Variants in DNAI4 observed in about 807,000 individuals in gnomAD.
DNAI4 encodes the protein WD repeat domain 78.
Under a neutral mutation model 105.8 loss-of-function variants are expected in DNAI4, and 85 were observed. The ratio of observed to expected loss-of-function variants is 0.80; its 90% confidence interval spans 0.67 to 0.96. The LOEUF is 0.96. Ranked by LOEUF, DNAI4 falls within the 40% of genes least tolerant of loss-of-function variation. The pLI, the probability that DNAI4 is intolerant of heterozygous loss-of-function variation, is 0.00. For synonymous variants in DNAI4, 352 were observed against 331.5 expected, an observed-to-expected ratio of 1.06 and a Z score of -0.67; for missense variants, 1,014 against 1,005.6, an observed-to-expected ratio of 1.01 and a Z score of -0.11.
intron 8 of DNAI4, among the ~76,000 whole-genome samples, chr1:66,842,048 C>T (rs559212953): frequency 3.0e-4 from 45 of 152,284 alleles, no homozygotes; most frequent in African/African-American, 1.0e-3. Flanking sequence ...CATATTTTGC[C>T]TTTTCCCAAA....
Position 66,826,837 on chromosome 1 carries a change from C to A in DNAI4, c.2322G>T (p.Trp774Cys), listed in dbSNP as rs1322334832. ...AAANENRVEI[W>C]DLHISTLDPL... is the part of the protein sequence containing the mutation. Reference sequence around the variant, plus strand: ...TAACTTACGTGCTGATATGAAGGTCCCAAATCTCCACCCTGTTCTCATTTG... The same window carrying A: ...TAACTTACGTGCTGATATGAAGGTCACAAATCTCCACCCTGTTCTCATTTG... Residue 774 changes from tryptophan to cysteine, a missense_variant, in exon 15 of 17, where the codon TGG (tryptophan) becomes TGT (cysteine). Trp to Cys is a radical substitution (Grantham distance 215). Coordinates refer to ENST00000371026, the MANE Select transcript of DNAI4 (RefSeq NM_024763.5). The A allele has an allele frequency of 6.2e-7, 1 of 1,613,866 alleles. No homozygotes were observed. The highest frequency in any genetic ancestry group is 1.7e-5 in the Admixed American group (1 of 59,982).
intron 1 of DNAI4, chr1:66,921,499 CA>C (rs766098030): frequency 6.6e-6 from 1 of 152,138 alleles, no homozygotes; most frequent in Non-Finnish European, 1.5e-5. Flanking sequence ...ATGGCTACTG[CA>C]AAAAGTGAAG....
chr1:66,881,154 G>T (rs752341965), intron 4 of DNAI4, among the ~76,000 whole-genome samples: 2 of 152,206 alleles, frequency 1.3e-5, no homozygotes, highest in Non-Finnish European at 2.9e-5. Context: ...TTGCTGCAGG[G>T]GCAGGGCCAT....
In DNAI4 at chr1:66,840,527, G is replaced by A; in HGVS notation, c.1436C>T (p.Ser479Phe). 6.2e-7 allele frequency: 1 copy of A among 1,614,172 alleles called. No homozygotes were observed. The highest frequency in any genetic ancestry group is 1.1e-5 in the South Asian group (1 of 91,080). The change falls in exon 9 of 17, where the codon TCC becomes TTC. Residue 479 changes from serine (S) to phenylalanine (F), a missense_variant. Ser to Phe is a radical substitution (Grantham distance 155, BLOSUM62 -2). Coordinates refer to ENST00000371026, the MANE Select transcript of DNAI4 (RefSeq NM_024763.5). Reference sequence around the variant, plus strand: ...ATTGAGGCCTTTGGTTAAGTCACAGGAAAAAGACCAAAGTCGTTCCAAGTT... The same window carrying A: ...ATTGAGGCCTTTGGTTAAGTCACAGAAAAAAGACCAAAGTCGTTCCAAGTT... Reference protein sequence around the residue: ...PANLERLWSFSCDLTKGLNVS... With the variant: ...PANLERLWSFFCDLTKGLNVS...
intron 4 of DNAI4, 146 bp downstream of exon 4, chr1:66,891,008 C>T (rs1262705888): frequency 1.5e-6 from 1 of 687,022 alleles, no homozygotes; most frequent in Non-Finnish European, 2.6e-6. Context: ...AATAGATATT[C>T]CCCTGGTAAT....
At chr1:66,871,960 T>C (rs1646856022) in intron 5 of DNAI4, among the ~76,000 whole-genome samples, 1 of 152,200 alleles carries the variant, frequency 6.6e-6, no homozygotes, top group South Asian at 2.1e-4. Context: ...TTTTGAGACC[T>C]TGCTTCATAG....
intron 4 of DNAI4, among the ~76,000 whole-genome samples, chr1:66,879,639 A>C (rs1024698906): frequency 3.3e-5 from 5 of 152,220 alleles, no homozygotes; most frequent in Non-Finnish European, 1.5e-5. Flanking sequence ...ACCATTGTGC[A>C]TCCCCACCAG....
chr1:66,827,065 T>C lies in DNAI4; in HGVS notation c.2113-19A>G. On this transcript the variant is annotated intron_variant, in intron 14 of 16. Transcript: ENST00000371026. ...CTGGACCCTAGAAATAAAAAAAAAA[T>C]ACATAGGTAAATAATATTTAACATC... The C allele has an allele frequency of 1.3e-6, 2 of 1,521,102 alleles. No homozygotes were observed. Among genetic ancestry groups the C allele is most frequent in the Non-Finnish European group, 1.8e-6 (2 of 1,111,010 alleles). 94.2% of individuals were successfully genotyped at this position (1,521,102 alleles called of 1,614,324 possible).
chr1:66,834,473 T>C (rs1645939159), intron 11 of DNAI4, among the ~76,000 whole-genome samples: 1 of 152,100 alleles, frequency 6.6e-6, no homozygotes, highest in Non-Finnish European at 1.5e-5. Flanking sequence ...TATTCATTAA[T>C]TCTTTCTGAC....
At chr1:66,845,224 A>G (rs1428368744) in intron 8 of DNAI4, among the ~76,000 whole-genome samples, 12 of 122,578 alleles carry the variant, frequency 9.8e-5, no homozygotes, top group African/African-American at 2.8e-4. Context: ...AATTAAAAAA[A>G]AAAAAAAAAA....
chr1:66,818,694 G>A (rs540171449), intron 16 of DNAI4, among the ~76,000 whole-genome samples: 3 of 152,218 alleles, frequency 2.0e-5, no homozygotes, highest in South Asian at 2.1e-4. Context: ...CGAGGTGGGC[G>A]GATCACCTGA....
At chr1:66,847,402 T>A (rs1019453104) in intron 8 of DNAI4, 82 bp downstream of exon 8, 51 of 1,373,872 alleles carry the variant, frequency 3.7e-5, no homozygotes, top group Admixed American at 2.5e-5. Context: ...CAAGCAATCC[T>A]CTTCCTCAGC....
chr1:66,884,494 T>C (rs1647151038), intron 4 of DNAI4, among the ~76,000 whole-genome samples: 1 of 152,320 alleles, frequency 6.6e-6, no homozygotes, highest in East Asian at 1.9e-4. Flanking sequence ...ACAGTTTTTG[T>C]CCTTCATTCT....
rs1478177006 is a variant in DNAI4, at chr1:66,812,924, G to C, written c.*1206C>G. The C allele has an allele frequency of 6.6e-6, 1 of 152,206 alleles. No individual in the cohort carries two copies. Among genetic ancestry groups the C allele is most frequent in the East Asian group, 1.9e-4 (1 of 5,330 alleles). The allele number at this position is 152,206 out of a possible 1,614,324, so 9.4% of individuals were successfully genotyped here. ...TCAAGTTTTTTATTTTCTTACACAA[G>C]GTGTTATAGAAAATCCAATCTTTCA... On this transcript the variant is annotated 3_prime_UTR_variant, in exon 17 of 17. Transcript: ENST00000371026.
At chr1:66,894,804 A>G (rs1648172589) in intron 2 of DNAI4, among the ~76,000 whole-genome samples, 1 of 152,200 alleles carries the variant, frequency 6.6e-6, no homozygotes, top group African/African-American at 2.4e-5. Flanking sequence ...TGCTAATATT[A>G]TATGTTTTAT....
chr1:66,921,066 TTGTAAC>T (rs1052102319), intron 1 of DNAI4, among the ~76,000 whole-genome samples: 3 of 152,218 alleles, frequency 2.0e-5, no homozygotes, highest in Admixed American at 2.0e-4. Context: ...GACAGATATT[TTGTAAC>T]TGTAAGACTA....
intron 4 of DNAI4, among the ~76,000 whole-genome samples, chr1:66,879,981 G>C (rs1361878859): frequency 6.7e-6 from 1 of 149,918 alleles, no homozygotes; most frequent in Non-Finnish European, 1.5e-5. Flanking sequence ...AATTAAGGGG[G>C]TGGGTCTTTC....
chr1:66,892,999 G>GAAAGAGAA (rs747069069), intron 3 of DNAI4, among the ~76,000 whole-genome samples: 69 of 70,272 alleles, frequency 9.8e-4, no homozygotes, highest in African/African-American at 4.2e-3. Context: ...GAAAGAAAGA[G>GAAAGAGAA]AGAAAGAGAG....
intron 7 of DNAI4, among the ~76,000 whole-genome samples, chr1:66,855,855 CAG>C (rs1646489099): frequency 6.6e-6 from 1 of 152,090 alleles, no homozygotes; most frequent in Non-Finnish European, 1.5e-5. Flanking sequence ...TGTTTTGAGA[CAG>C]AGTTTCACTC....
Sources: gnomAD v4.1 joint callset for allele counts (sites outside exome capture counted in the v4.1 genomes callset) on GRCh38, gnomAD v4.1.1 for gene constraint, MANE v1.5 for transcripts, NCBI Gene and HGNC (gene_info 2026-07-23, HGNC 2026-07-21) for gene names.